Variants in TRDN observed in about 807,000 individuals in gnomAD.
TRDN encodes triadin in skeletal muscle.
Under a neutral mutation model 149.7 loss-of-function variants are expected in TRDN, and 161 were observed. The observed-to-expected ratio is 1.08, with a 90% confidence interval of 0.95 to 1.23. The LOEUF (loss-of-function observed/expected upper bound fraction) is 1.23. TRDN is among the 50% of genes most tolerant of loss of function. TRDN has a pLI of 0.00. For synonymous variants in TRDN, 294 were observed against 250.5 expected (o/e 1.17, Z -1.64); for missense variants, 896 against 823.5 (o/e 1.09, Z -1.08).
intron 19 of TRDN, among the ~76,000 whole-genome samples, chr6:123,367,775 G>T: frequency 6.6e-6 from 1 of 152,176 alleles, no homozygotes; most frequent in East Asian, 1.9e-4. Flanking sequence ...TTTCTAACCA[G>T]TTCCCAGGGG....
chr6:123,323,423 G>A (rs1009271747), intron 23 of TRDN, among the ~76,000 whole-genome samples: 1 of 152,036 alleles, frequency 6.6e-6, no homozygotes, highest in African/African-American at 2.4e-5. Flanking sequence ...CATGTTCTCT[G>A]TCTCTGTCTC....
At chr6:123,397,511 T>C (rs949091187) in intron 12 of TRDN, among the ~76,000 whole-genome samples, 7 of 152,078 alleles carry the variant, frequency 4.6e-5, no homozygotes, top group African/African-American at 1.7e-4. Context: ...ATTGTCTCTA[T>C]GAAACAGTAA....
At chr6:123,222,624 T>G (rs1051911632) in intron 39 of TRDN, among the ~76,000 whole-genome samples, 4 of 151,836 alleles carry the variant, frequency 2.6e-5, no homozygotes, top group African/African-American at 9.7e-5. Context: ...TGGTTAATTT[T>G]GGGCACTGGC....
chr6:123,488,787 A>G (rs1260420303), intron 9 of TRDN: 1 of 151,708 alleles, frequency 6.6e-6, no homozygotes, highest in Non-Finnish European at 1.5e-5. Flanking sequence ...ATGTCTGGGA[A>G]ACAGATAGAT....
rs375116902 is a variant in TRDN at position 123,462,946 on chromosome 6, T to G, written c.931+1960A>C. On this transcript the variant is annotated intron_variant, in intron 10 of 40. Coordinates refer to ENST00000334268, the MANE Select transcript of TRDN (RefSeq NM_006073.4). ...TGCTCAGGGTTAGCAGCCTTCAAGCTTTCAGAGAAGACACTGACAAAGGCT... is the reference window on the plus strand; with the variant it reads ...TGCTCAGGGTTAGCAGCCTTCAAGCGTTCAGAGAAGACACTGACAAAGGCT... The G allele has an allele frequency of 9.8e-5, 15 of 152,302 alleles. No homozygotes were observed. The East Asian group carries it at 1.4e-3, about 14-fold the overall frequency. The allele number at this position is 152,302 out of a possible 1,614,324, so 9.4% of individuals were successfully genotyped here.
chr6:123,501,922 T>A (rs1258185836), intron 8 of TRDN: 2 of 984,386 alleles, frequency 2.0e-6, no homozygotes, highest in African/African-American at 3.5e-5. Context: ...TTTTAAAGTG[T>A]TCCGGTGATG....
intron 2 of TRDN, among the ~76,000 whole-genome samples, chr6:123,568,434 C>T (rs945133210): frequency 7.2e-5 from 11 of 152,234 alleles, no homozygotes; most frequent in South Asian, 2.1e-4. Context: ...GTCCTCCAAA[C>T]ACACATTTCC....
intron 26 of TRDN, 122 bp from the exon 27 acceptor site, chr6:123,274,792 G>C: frequency 1.1e-6 from 1 of 898,834 alleles, no homozygotes. Context: ...AGAATTGCTT[G>C]AACCCAGGAG....
At chr6:123,391,641 A>C (rs1772474099) in intron 13 of TRDN, among the ~76,000 whole-genome samples, 1 of 152,022 alleles carries the variant, frequency 6.6e-6, no homozygotes, top group Non-Finnish European at 1.5e-5. Flanking sequence ...TAAAATTCCA[A>C]AGAATATATG....
intron 10 of TRDN, among the ~76,000 whole-genome samples, chr6:123,441,357 G>C (rs1303960608): frequency 6.6e-6 from 1 of 151,958 alleles, no homozygotes; most frequent in Admixed American, 6.5e-5. Context: ...CTTTCTCATT[G>C]GTTTGCCATT....
intron 9 of TRDN, among the ~76,000 whole-genome samples, chr6:123,480,658 G>C (rs1777708964): frequency 6.6e-6 from 1 of 152,042 alleles, no homozygotes; most frequent in Non-Finnish European, 1.5e-5. Context: ...TTTTGGGAAT[G>C]TGAGGGGCAA....
At chr6:123,427,936 T>C (rs1467929863) in intron 12 of TRDN, among the ~76,000 whole-genome samples, 1 of 152,156 alleles carries the variant, frequency 6.6e-6, no homozygotes, top group African/African-American at 2.4e-5. Flanking sequence ...CTATGTTGGG[T>C]TGGTTTTCTA....
At chr6:123,256,172 G>A (rs1435114832) in intron 35 of TRDN, among the ~76,000 whole-genome samples, 2 of 152,108 alleles carry the variant, frequency 1.3e-5, no homozygotes, top group East Asian at 3.9e-4. Context: ...TCCCACGTTT[G>A]AGTGAGAAAA....
rs1780083645 is a variant in TRDN, at chr6:123,342,087, A to C, written c.1370-4418T>G. ...CTCGGCTGCAAGCATTGGAGTATTC[A>C]TATATACACACTTTGATATTCTTAT... On this transcript the variant is annotated intron_variant, in intron 21 of 40. Transcript: ENST00000334268. Among the ~76,000 whole-genome samples, 4 of 152,062 alleles carry C rather than the reference A, an allele frequency of 2.6e-5. No individual in the cohort carries two copies. In the South Asian group the frequency reaches 8.3e-4, roughly 32 times the overall value.
At chr6:123,237,510 A>C (rs1775832421) in intron 38 of TRDN, among the ~76,000 whole-genome samples, 1 of 152,050 alleles carries the variant, frequency 6.6e-6, no homozygotes, top group Admixed American at 6.6e-5. Context: ...AGCCTCCCAA[A>C]CTGCTGGGAT....
intron 4 of TRDN, among the ~76,000 whole-genome samples, chr6:123,542,529 A>T (rs779278733): frequency 3.9e-5 from 6 of 152,316 alleles, no homozygotes; most frequent in African/African-American, 1.2e-4. Flanking sequence ...CTAAAATTAC[A>T]TATTCCAAAG....
intron 10 of TRDN, among the ~76,000 whole-genome samples, chr6:123,455,134 A>AT (rs373704428): frequency 3.0e-4 from 46 of 151,766 alleles, no homozygotes; most frequent in African/African-American, 8.0e-4. Context: ...TGACTTCACG[A>AT]TTTTTTTTTC....
chr6:123,414,250 C>A (rs1447278426), intron 12 of TRDN, among the ~76,000 whole-genome samples: 1 of 152,014 alleles, frequency 6.6e-6, no homozygotes, highest in African/African-American at 2.4e-5. Flanking sequence ...TAAATCCTTT[C>A]TATTGAGATT....
chr6:123,327,031 A>C (rs1779482883), intron 23 of TRDN, among the ~76,000 whole-genome samples: 1 of 152,044 alleles, frequency 6.6e-6, no homozygotes, highest in Non-Finnish European at 1.5e-5. Context: ...GAATGTTTGA[A>C]GTTTGTCTTC....
Sources: allele counts gnomAD v4.1 joint callset (sites outside exome capture counted in the v4.1 genomes callset), GRCh38; gene constraint gnomAD v4.1.1; transcripts MANE v1.5; gene names NCBI Gene and HGNC (gene_info 2026-07-23, HGNC 2026-07-21).